BZW2: variants seen among roughly 807,000 people sequenced by gnomAD.
BZW2 encodes basic leucine zipper and W2 domains 2.
A neutral mutation model predicts 53.2 loss-of-function variants in BZW2; 23 were observed. The ratio of observed to expected loss-of-function variants is 0.43; its 90% CI spans 0.31 to 0.61. The LOEUF (loss-of-function observed/expected upper bound fraction) is 0.61. Among genes scored for constraint, BZW2 ranks in the 20% least tolerant of loss-of-function variants. BZW2 has a pLI of 0.09. For missense variants in BZW2, 409 were observed against 503.1 expected (o/e 0.81, Z 1.79); for synonymous variants, 227 against 186.4 (o/e 1.22, Z -1.77).
intron 10 of BZW2, among the ~76,000 whole-genome samples, chr7:16,698,470 T>G (rs1480107300): frequency 6.6e-6 from 1 of 152,208 alleles, no homozygotes; most frequent in Non-Finnish European, 1.5e-5. Context: ...AATGTAATTA[T>G]ATAAAATTGA....
chr7:16,657,055 A>G (rs1419444510), intron 1 of BZW2, among the ~76,000 whole-genome samples: 1 of 152,208 alleles, frequency 6.6e-6, no homozygotes, highest in Non-Finnish European at 1.5e-5. Flanking sequence ...TCAGTAGGGA[A>G]TGATAGTTAG....
At chr7:16,683,928 A>C (rs1337992475) in intron 5 of BZW2, among the ~76,000 whole-genome samples, 1 of 152,156 alleles carries the variant, frequency 6.6e-6, no homozygotes, top group East Asian at 1.9e-4. Flanking sequence ...ATTGAAGAGC[A>C]ATTTGGCAAT....
At chr7:16,690,336 G>A (rs568686155) in intron 7 of BZW2, among the ~76,000 whole-genome samples, 47 of 151,974 alleles carry the variant, frequency 3.1e-4, no homozygotes, top group African/African-American at 1.1e-3. Context: ...CGAGTAGGTG[G>A]GATTACAGGT....
intron 1 of BZW2, among the ~76,000 whole-genome samples, chr7:16,657,678 A>G (rs1385340735): frequency 6.6e-6 from 1 of 152,190 alleles, no homozygotes; most frequent in Non-Finnish European, 1.5e-5. Context: ...ATCTAGTGAT[A>G]AACTTTTTTT....
intron 1 of BZW2, among the ~76,000 whole-genome samples, chr7:16,653,984 T>C: frequency 7.0e-6 from 1 of 143,878 alleles, no homozygotes; most frequent in Non-Finnish European, 1.5e-5. Context: ...TGGTGACTCA[T>C]GCCTGTAATC....
intron 2 of BZW2, among the ~76,000 whole-genome samples, chr7:16,666,418 T>C (rs192599860): frequency 6.8e-6 from 1 of 146,582 alleles, no homozygotes; most frequent in African/African-American, 2.7e-5. Flanking sequence ...TATTTATTTA[T>C]TTAGAGACGG....
intron 8 of BZW2, among the ~76,000 whole-genome samples, chr7:16,695,404 T>G (rs768464835): frequency 2.5e-4 from 38 of 152,224 alleles, no homozygotes; most frequent in Non-Finnish European, 7.3e-5. Context: ...GGATTTTTTG[T>G]TCATCACTCT....
intron 3 of BZW2, 36 bp from the exon 4 acceptor site, chr7:16,681,265 G>A: frequency 1.3e-6 from 2 of 1,516,164 alleles, no homozygotes; most frequent in Non-Finnish European, 1.8e-6. Flanking sequence ...CTCAATTTCA[G>A]TATTATCCTA....
At chr7:16,669,371 A>G (rs566204985) in intron 2 of BZW2, among the ~76,000 whole-genome samples, 122 of 152,184 alleles carry the variant, frequency 8.0e-4, no homozygotes, top group African/African-American at 2.8e-3. Context: ...CAAGTGATCC[A>G]TCTACCTTGG....
In BZW2 at chr7:16,685,924, C is replaced by G. The variant is rs1306205736; in HGVS notation, c.425C>G (p.Ala142Gly). The G allele has an allele frequency of 2.0e-6, 3 of 1,529,894 alleles. No homozygotes were observed. The highest frequency in any genetic ancestry group is 2.6e-6 in the Non-Finnish European group (3 of 1,138,746). The allele number at this position is 1,529,894 out of a possible 1,614,324, so 94.8% of individuals were successfully genotyped here. A position where few individuals can be genotyped will look rare whatever the true frequency, so the allele number is the denominator to read the frequency against. Residue 142 changes from alanine (A) to glycine (G), a missense_variant, in exon 6 of 12, where the codon GCC becomes GGC. Physicochemically the swap from Ala to Gly is moderately conservative, Grantham distance 60 (BLOSUM62 0). Transcript: ENST00000258761. ...CCACAGCTTCTCCTCTTCCTTAAAG[C>G]CTTTTCCGAAACAGAGCAGACAAAG... ...EMKKLLLFLK[A>G]FSETEQTKLA...
intron 4 of BZW2, among the ~76,000 whole-genome samples, chr7:16,681,648 T>G (rs911682719): frequency 1.3e-5 from 2 of 152,106 alleles, no homozygotes; most frequent in Non-Finnish European, 2.9e-5. Flanking sequence ...CTGGCCAACA[T>G]GGTGAAACCC....
intron 3 of BZW2, among the ~76,000 whole-genome samples, chr7:16,678,542 A>G (rs1782838762): frequency 6.6e-6 from 1 of 152,224 alleles, no homozygotes; most frequent in Non-Finnish European, 1.5e-5. Context: ...TTAATATGTA[A>G]TAAGTGTTTT....
intron 1 of BZW2, among the ~76,000 whole-genome samples, chr7:16,654,083 C>CAAA (rs61590306): frequency 1.2e-5 from 1 of 82,528 alleles, no homozygotes; most frequent in Non-Finnish European, 2.2e-5. Flanking sequence ...CCCATCTCTA[C>CAAA]AAAAAAAAAA....
At chr7:16,690,057 A>G in intron 7 of BZW2, 151 bp downstream of exon 7, 1 of 462,758 alleles carries the variant, frequency 2.2e-6, no homozygotes. Context: ...AGTAGAAGCT[A>G]ATTTCATTTT....
chr7:16,701,600 A>G (rs1583757451), intron 10 of BZW2, among the ~76,000 whole-genome samples: 1 of 152,202 alleles, frequency 6.6e-6, no homozygotes, highest in Non-Finnish European at 1.5e-5. Context: ...TAAATAACTA[A>G]CATGATCTAA....
chr7:16,700,060 G>T (rs1783620444), intron 10 of BZW2, among the ~76,000 whole-genome samples: 1 of 152,130 alleles, frequency 6.6e-6, no homozygotes, highest in African/African-American at 2.4e-5. Flanking sequence ...ACACAGGAAG[G>T]GTGAGTGTCA....
chr7:16,702,084 A>G (rs1783684887), intron 10 of BZW2, among the ~76,000 whole-genome samples: 1 of 152,092 alleles, frequency 6.6e-6, no homozygotes, highest in Non-Finnish European at 1.5e-5. Flanking sequence ...ACTGTCTTTT[A>G]CTGTTATTCT....
chr7:16,703,834 A>G (rs1783748432), intron 10 of BZW2, among the ~76,000 whole-genome samples: 2 of 152,310 alleles, frequency 1.3e-5, no homozygotes, highest in African/African-American at 2.4e-5. Flanking sequence ...TAGACAAAAG[A>G]TAGTTAACAT....
At chr7:16,652,035 TTC>T (rs1025583621) in intron 1 of BZW2, among the ~76,000 whole-genome samples, 2 of 152,122 alleles carry the variant, frequency 1.3e-5, no homozygotes, top group African/African-American at 4.8e-5. Context: ...GTGGATCAGG[TTC>T]TGGCCCCAAC....
Sources: gnomAD v4.1 joint callset for allele counts (sites outside exome capture counted in the v4.1 genomes callset) on GRCh38, gnomAD v4.1.1 for gene constraint, MANE v1.5 for transcripts, NCBI Gene and HGNC (gene_info 2026-07-23, HGNC 2026-07-21) for gene names.